Variants in SASH1 observed in about 807,000 individuals in gnomAD.
SASH1 encodes SAM and SH3 domain-containing protein 1.
In SASH1, 44 loss-of-function variants were observed where a neutral mutation model predicts 125.2. The observed-to-expected ratio is 0.35, with a 90% CI of 0.28 to 0.45. The LOEUF (loss-of-function observed/expected upper bound fraction) is 0.45. Ranked by LOEUF, SASH1 falls within the 20% of genes least tolerant of loss-of-function variation. The pLI is 1.00. For missense variants in SASH1, 1,426 were observed against 1,614.5 expected, an observed-to-expected ratio of 0.88 and a Z score of 2.00; for synonymous variants, 639 against 649.1, an observed-to-expected ratio of 0.98 and a Z score of 0.24.
upstream of SASH1, among the ~76,000 whole-genome samples, chr6:148,339,864 G>A (rs977696743): frequency 2.0e-5 from 3 of 152,068 alleles, no homozygotes; most frequent in African/African-American, 7.2e-5. Context: ...ACACTGATGC[G>A]GGTATGTGTT....
chr6:148,405,855 C>T (rs1173608911), intron 2 of SASH1, among the ~76,000 whole-genome samples: 1 of 152,228 alleles, frequency 6.6e-6, no homozygotes, highest in African/African-American at 2.4e-5. Flanking sequence ...AGAAAAGCTG[C>T]ACTTACTGGT....
chr6:148,411,412 T>C (rs1368398201), intron 2 of SASH1, among the ~76,000 whole-genome samples: 7 of 152,180 alleles, frequency 4.6e-5, no homozygotes, highest in Admixed American at 3.3e-4. Context: ...TATGCAATTA[T>C]ATCCAGTCAA....
chr6:148,258,315 G>A, the SASH1 span, among the ~76,000 whole-genome samples: 1 of 152,132 alleles, frequency 6.6e-6, no homozygotes, highest in Non-Finnish European at 1.5e-5. Context: ...GATTTTTCCA[G>A]AGTCGACTTA....
intron 4 of SASH1, among the ~76,000 whole-genome samples, chr6:148,454,166 G>A (rs753289903): frequency 1.3e-5 from 2 of 152,096 alleles, no homozygotes; most frequent in Non-Finnish European, 2.9e-5. Context: ...AGTTGTTGAC[G>A]TCCTTCCTCA....
intron 1 of SASH1, among the ~76,000 whole-genome samples, chr6:148,322,487 T>G (rs1028714539): frequency 1.3e-5 from 2 of 152,200 alleles, no homozygotes; most frequent in African/African-American, 4.8e-5. Flanking sequence ...TTCTTCACAT[T>G]TGTTTACCTA....
the SASH1 span, among the ~76,000 whole-genome samples, chr6:148,225,999 T>C: frequency 6.6e-6 from 1 of 152,202 alleles, no homozygotes; most frequent in African/African-American, 2.4e-5. Context: ...GGAGAAACTG[T>C]AGTTTAGAAG....
chr6:148,345,382 A>C (rs1339693244), intron 1 of SASH1, among the ~76,000 whole-genome samples: 1 of 152,226 alleles, frequency 6.6e-6, no homozygotes, highest in African/African-American at 2.4e-5. Context: ...GAAAGGGCAG[A>C]TGCAGGAGCA....
chr6:148,305,846 G>A (rs948601235), intron 1 of SASH1, among the ~76,000 whole-genome samples: 23 of 152,070 alleles, frequency 1.5e-4, no homozygotes, highest in Admixed American at 8.5e-4. Context: ...AAGTCTGAAG[G>A]AGAAATTCGA....
intron 2 of SASH1, among the ~76,000 whole-genome samples, chr6:148,390,512 C>T (rs1290836620): frequency 2.0e-5 from 3 of 152,318 alleles, no homozygotes; most frequent in South Asian, 2.1e-4. Flanking sequence ...TTTGGCCGGG[C>T]GCTGTGGCTC....
intron 9 of SASH1, among the ~76,000 whole-genome samples, chr6:148,514,961 G>A (rs372590931): frequency 1.4e-4 from 22 of 152,242 alleles, no homozygotes; most frequent in East Asian, 9.6e-4. Flanking sequence ...TCAAATGGGG[G>A]CTTTAAGGAC....
chr6:148,326,340 ATATATATATATATATATG>A (rs2114588314), intron 1 of SASH1, among the ~76,000 whole-genome samples: 1 of 76,032 alleles, frequency 1.3e-5, no homozygotes, highest in East Asian at 5.0e-4. Flanking sequence ...ATATATATAT[ATATATATATATATATATG>A]CATATATATA....
intron 1 of SASH1, among the ~76,000 whole-genome samples, chr6:148,368,671 A>G (rs544094174): frequency 6.6e-6 from 1 of 151,906 alleles, no homozygotes; most frequent in Admixed American, 6.6e-5. Flanking sequence ...GTACAAGAAT[A>G]CCGACAATGT....
intron 8 of SASH1, chr6:148,508,313 A>AAGG (rs145612337): frequency 0.08 from 14,419 of 180,780 alleles, 738 homozygotes; most frequent in Non-Finnish European, 0.1. Flanking sequence ...CTGCTCCCTT[A>AAGG]AGGGGGTGTT....
intron 7 of SASH1, among the ~76,000 whole-genome samples, chr6:148,476,453 G>A (rs557070940): frequency 3.9e-5 from 6 of 152,160 alleles, no homozygotes; most frequent in East Asian, 1.9e-4. Flanking sequence ...AGGCCGAGGC[G>A]GACAGATCAC....
Position 148,471,413 on chromosome 6 carries a change from T to TTTTTTTA in SASH1, c.428-4_428-3insTTTTTTA. On this transcript the variant is annotated splice_region_variant and splice_polypyrimidine_tract_variant and intron_variant, in intron 5 of 19. Transcript: ENST00000367467. The stretch of plus-strand genomic sequence containing the variant: ...TTTTTTTTTTTTTTTTTTTTTTTTT[T>TTTTTTTA]AAGGAAAAGGAGACTGGAAGAAGAA... 1 of 990,580 alleles carries TTTTTTTA rather than the reference T, an allele frequency of 1.0e-6. No individual in the cohort carries two copies. The highest frequency in any genetic ancestry group is 1.4e-6 in the Non-Finnish European group (1 of 701,210). 61.4% of individuals were successfully genotyped at this position (990,580 alleles called of 1,614,324 possible).
intron 2 of SASH1, among the ~76,000 whole-genome samples, chr6:148,408,881 C>A (rs1784483859): frequency 6.6e-6 from 1 of 152,146 alleles, no homozygotes; most frequent in Non-Finnish European, 1.5e-5. Context: ...CATTATCTTG[C>A]AGTTTACACA....
chr6:148,278,587 G>A (rs1397791333), intron 1 of SASH1: 12 of 151,930 alleles, frequency 7.9e-5, no homozygotes, highest in Admixed American at 7.9e-4. Context: ...ACTAAAAAGA[G>A]CTTAACTATG....
chr6:148,540,392 CCT>C, intron 16 of SASH1, 49 bp from the exon 17 acceptor site: 1 of 1,436,448 alleles, frequency 7.0e-7, no homozygotes, highest in Non-Finnish European at 9.7e-7. Context: ...GACTCTGAAA[CCT>C]CTGCTTTTCA....
At chr6:148,484,337 G>GACAC (rs34073959) in intron 7 of SASH1, among the ~76,000 whole-genome samples, 6 of 151,552 alleles carry the variant, frequency 4.0e-5, no homozygotes, top group South Asian at 2.1e-4. Context: ...TTTTGCTTAA[G>GACAC]ACACACACAC....
Sources: gnomAD v4.1 joint callset for allele counts (sites outside exome capture counted in the v4.1 genomes callset) on GRCh38, gnomAD v4.1.1 for gene constraint, MANE v1.5 for transcripts, NCBI Gene and HGNC (gene_info 2026-07-23, HGNC 2026-07-21) for gene names.